The following TEAD1 variants were observed in gnomAD, a reference collection of about 807,000 sequenced individuals.
TEAD1 encodes TEA domain transcription factor 1.
TEAD1 carries 9 observed loss-of-function variants against 54.9 expected under a neutral mutation model. The ratio of observed to expected loss-of-function variants is 0.16; its 90% CI spans 0.10 to 0.29. TEAD1 has a LOEUF of 0.29. Among genes scored for constraint, TEAD1 ranks in the 10% least tolerant of loss-of-function variants. The pLI, the probability that TEAD1 is intolerant of heterozygous loss-of-function variation, is 1.00. For missense variants in TEAD1, 387 were observed against 535.9 expected (o/e 0.72, Z 2.74); for synonymous variants, 200 against 187.8 (o/e 1.07, Z -0.53).
At chr11:12,887,097 G>GTTTTTTT in intron 9 of TEAD1, among the ~76,000 whole-genome samples, 1 of 112,826 alleles carries the variant, frequency 8.9e-6, no homozygotes, top group Non-Finnish European at 1.8e-5. Context: ...TTTTTTGTTT[G>GTTTTTTT]TTTTTTTTTT....
At chr11:12,806,081 T>G (rs920400628) in intron 3 of TEAD1, among the ~76,000 whole-genome samples, 8 of 152,160 alleles carry the variant, frequency 5.3e-5, no homozygotes, top group Admixed American at 5.2e-4. Flanking sequence ...TGGAAGCTCA[T>G]GTACTCTATG....
intron 2 of TEAD1, among the ~76,000 whole-genome samples, chr11:12,745,123 G>T (rs1251788772): frequency 6.6e-6 from 1 of 152,184 alleles, no homozygotes. Context: ...CGAGTCTACG[G>T]TTTTTTCTCA....
chr11:12,783,619 C>T lies in TEAD1; in HGVS notation c.202+19185C>T, dbSNP rs537172323. ...GACACTCAAGGTCGAATGGCTACTGCGTGGTGGAGCTGTGATTCCAAGAAA... is the reference window on the plus strand; with the variant it reads ...GACACTCAAGGTCGAATGGCTACTGTGTGGTGGAGCTGTGATTCCAAGAAA... On this transcript the variant is annotated intron_variant, in intron 3 of 12. Transcript: ENST00000527636. Among the ~76,000 whole-genome samples, 5 of 152,186 alleles carry T rather than the reference C, an allele frequency of 3.3e-5. No homozygotes were observed. The East Asian group carries it at 5.8e-4, about 18-fold the overall frequency.
chr11:12,874,009 G>A (rs1056628397), intron 5 of TEAD1, among the ~76,000 whole-genome samples: 3 of 152,146 alleles, frequency 2.0e-5, no homozygotes, highest in Admixed American at 1.3e-4. Context: ...ATCCATGGTC[G>A]TTTTTTTGAC....
intron 5 of TEAD1, among the ~76,000 whole-genome samples, chr11:12,872,123 T>C (rs149302893): frequency 2.8e-4 from 43 of 152,348 alleles, no homozygotes; most frequent in African/African-American, 1.0e-3. Context: ...TTAATTCTTT[T>C]GAGTTCAAGA....
chr11:12,840,941 C>T (rs1331185118), intron 3 of TEAD1, among the ~76,000 whole-genome samples: 1 of 152,138 alleles, frequency 6.6e-6, no homozygotes, highest in African/African-American at 2.4e-5. Context: ...CCAAGCCAGA[C>T]CTGTCTGAAA....
chr11:12,704,035 G>A (rs559569964), intron 2 of TEAD1, among the ~76,000 whole-genome samples: 19 of 152,296 alleles, frequency 1.2e-4, no homozygotes, highest in African/African-American at 4.3e-4. Context: ...AAAAAGTTAT[G>A]TTAGAAGAAC....
intron 2 of TEAD1, among the ~76,000 whole-genome samples, chr11:12,677,313 T>C (rs1166470804): frequency 6.7e-6 from 1 of 149,136 alleles, no homozygotes; most frequent in Non-Finnish European, 1.5e-5. Context: ...TGGTACAATG[T>C]GTGCCCAGGC....
chr11:12,745,084 C>T (rs1056264957), intron 2 of TEAD1, among the ~76,000 whole-genome samples: 3 of 152,172 alleles, frequency 2.0e-5, no homozygotes, highest in South Asian at 2.1e-4. Flanking sequence ...GAACAGCTCC[C>T]TGGGAGACAC....
At chr11:12,918,523 A>T (rs1948753326) in intron 10 of TEAD1, among the ~76,000 whole-genome samples, 1 of 152,120 alleles carries the variant, frequency 6.6e-6, no homozygotes, top group Non-Finnish European at 1.5e-5. Context: ...TTTAAAATCT[A>T]ATCTCTTAAA....
At chr11:12,709,205 G>T (rs1353346976) in intron 2 of TEAD1, among the ~76,000 whole-genome samples, 1 of 152,074 alleles carries the variant, frequency 6.6e-6, no homozygotes, top group Admixed American at 6.5e-5. Context: ...GGGCTTGATG[G>T]TGTGCACCTG....
In TEAD1 at chr11:12,924,553, T is replaced by A. The variant is rs188988085; in HGVS notation, c.874-359T>A. ...GTCAGCTGCAGTCTCTTGTTTTTTT[T>A]AAAAAATATCTCTAAAGATGAGTGA... On this transcript the variant is annotated intron_variant, in intron 10 of 12. Transcript: ENST00000527636. Among the ~76,000 whole-genome samples, 311 of 152,302 alleles carry A rather than the reference T, an allele frequency of 2.0e-3. 1 individual carries two copies. Among genetic ancestry groups the A allele is most frequent in the East Asian group, 6.7e-3 (35 of 5,186 alleles).
At chr11:12,923,916 G>A (rs752027441) in intron 10 of TEAD1, among the ~76,000 whole-genome samples, 1 of 152,220 alleles carries the variant, frequency 6.6e-6, no homozygotes, top group Non-Finnish European at 1.5e-5. Context: ...CCACTGCAAT[G>A]ATCAAACGCT....
intron 3 of TEAD1, among the ~76,000 whole-genome samples, chr11:12,844,978 T>TTTTC (rs1181490411): frequency 7.7e-5 from 11 of 143,740 alleles, no homozygotes; most frequent in Non-Finnish European, 1.2e-4. Flanking sequence ...TTTTTTTTTT[T>TTTTC]TTTTTGGAGA....
intron 2 of TEAD1, among the ~76,000 whole-genome samples, chr11:12,734,249 A>G (rs900637984): frequency 6.6e-6 from 1 of 152,208 alleles, no homozygotes; most frequent in African/African-American, 2.4e-5. Flanking sequence ...AAATAAGAAA[A>G]GAAAAAAAAT....
At chr11:12,823,024 TG>T (rs1200119946) in intron 3 of TEAD1, among the ~76,000 whole-genome samples, 2 of 152,240 alleles carry the variant, frequency 1.3e-5, no homozygotes, top group African/African-American at 2.4e-5. Flanking sequence ...TATTTGGTTT[TG>T]TTTTTTTGTT....
intron 2 of TEAD1, among the ~76,000 whole-genome samples, chr11:12,691,611 A>G (rs568775016): frequency 6.6e-6 from 1 of 152,220 alleles, no homozygotes; most frequent in East Asian, 1.9e-4. Flanking sequence ...TTCCTCCCTT[A>G]AGAAAAAGAC....
chr11:12,674,631 C>G lies in TEAD1; in HGVS notation c.-411C>G, dbSNP rs965688290. On this transcript the variant is annotated 5_prime_UTR_variant, in exon 1 of 13. Transcript: ENST00000527636. ...CAGGCCATGCAGTGACGCCCCCCCACCCCTCCACCTTTGCCCGGAGCGCGG... is the reference window on the plus strand; with the variant it reads ...CAGGCCATGCAGTGACGCCCCCCCAGCCCTCCACCTTTGCCCGGAGCGCGG... 3 of 151,488 alleles carry G rather than the reference C, an allele frequency of 2.0e-5. No homozygotes were observed. The highest frequency in any genetic ancestry group is 7.3e-5 in the African/African-American group (3 of 41,280). 9.4% of individuals were successfully genotyped at this position (151,488 alleles called of 1,614,324 possible).
chr11:12,813,929 T>G (rs1398068622), intron 3 of TEAD1, among the ~76,000 whole-genome samples: 1 of 152,146 alleles, frequency 6.6e-6, no homozygotes, highest in Non-Finnish European at 1.5e-5. Context: ...CAGCTCTCTC[T>G]TGGACATGGT....
Sources: allele counts gnomAD v4.1 joint callset (sites outside exome capture counted in the v4.1 genomes callset), GRCh38; gene constraint gnomAD v4.1.1; transcripts MANE v1.5; gene names NCBI Gene and HGNC (gene_info 2026-07-23, HGNC 2026-07-21).